Variants in RBFOX1 observed in about 807,000 individuals in gnomAD.
RBFOX1 encodes the protein RNA binding protein fox-1 homolog 1.
In RBFOX1, 8 loss-of-function variants were observed where a neutral mutation model predicts 57.7. That is an observed-to-expected ratio of 0.14 (90% CI 0.08 to 0.25). The LOEUF is 0.25. Ranked by LOEUF, RBFOX1 falls within the 10% of genes least tolerant of loss-of-function variation. The pLI is 1.00. For synonymous variants in RBFOX1, 326 were observed against 222.4 expected (o/e 1.47, Z -4.15); for missense variants, 611 against 548.5 (o/e 1.11, Z -1.14).
chr16:6,927,328 G>T (rs765698155), intron 3 of RBFOX1, among the ~76,000 whole-genome samples: 2 of 146,260 alleles, frequency 1.4e-5, no homozygotes, highest in African/African-American at 2.5e-5. Flanking sequence ...CACGAGAATC[G>T]CTGGAACCCG....
At chr16:7,087,193 C>G (rs1376050355) in intron 4 of RBFOX1, among the ~76,000 whole-genome samples, 2 of 152,174 alleles carry the variant, frequency 1.3e-5, no homozygotes, top group Non-Finnish European at 2.9e-5. Flanking sequence ...GTTCTTTTCT[C>G]TGCGGCTGGA....
At chr16:5,791,582 C>T (rs1436965683) in intron 3 of RBFOX1, among the ~76,000 whole-genome samples, 1 of 152,072 alleles carries the variant, frequency 6.6e-6, no homozygotes, top group African/African-American at 2.4e-5. Flanking sequence ...GGGTGACTCT[C>T]CAGGTTCCAG....
chr16:6,563,490 C>T (rs1036718755), intron 2 of RBFOX1, among the ~76,000 whole-genome samples: 10 of 152,002 alleles, frequency 6.6e-5, no homozygotes, highest in Non-Finnish European at 1.3e-4. Flanking sequence ...GCCCAGAGTC[C>T]CTTACATCTA....
intron 4 of RBFOX1, among the ~76,000 whole-genome samples, chr16:7,054,220 G>C (rs1216723853): frequency 6.6e-5 from 7 of 105,504 alleles, no homozygotes; most frequent in South Asian, 4.4e-4. Context: ...TTTCGGGGGG[G>C]GGGGGCGGGG....
chr16:7,585,403 C>T (rs1173290195), intron 6 of RBFOX1, among the ~76,000 whole-genome samples: 2 of 152,184 alleles, frequency 1.3e-5, no homozygotes, highest in East Asian at 1.9e-4. Context: ...GTAAGCTGCA[C>T]GTTTGTTGGC....
chr16:6,653,773 G>A (rs1012158230), intron 2 of RBFOX1, among the ~76,000 whole-genome samples: 3 of 151,768 alleles, frequency 2.0e-5, no homozygotes, highest in African/African-American at 4.8e-5. Context: ...TGGGTGGATG[G>A]ATGGATAGGT....
rs28840987 is a variant in RBFOX1 at position 6,740,364 on chromosome 16, A to G, written c.-16+85714A>G. On this transcript the variant is annotated intron_variant, in intron 3 of 15. Coordinates refer to ENST00000550418, the MANE Select transcript of RBFOX1 (RefSeq NM_018723.4). ...AATACAGGAACAAGACACCACTGCT[A>G]TTCAACATAGTAGGGAATTTCTAAA... Among the ~76,000 whole-genome samples, 1,087 of 152,346 alleles carry G rather than the reference A, an allele frequency of 7.1e-3. 30 individuals carry two copies. The highest frequency in any genetic ancestry group is 0.07 in the East Asian group (361 of 5,188).
At chr16:6,864,119 G>C (rs2059504594) in intron 3 of RBFOX1, among the ~76,000 whole-genome samples, 1 of 151,850 alleles carries the variant, frequency 6.6e-6, no homozygotes, top group African/African-American at 2.4e-5. Context: ...GAAAGCGAAG[G>C]AGTCTCTTTA....
intron 3 of RBFOX1, among the ~76,000 whole-genome samples, chr16:6,941,499 C>T (rs563270757): frequency 2.0e-5 from 3 of 152,134 alleles, no homozygotes; most frequent in South Asian, 4.2e-4. Flanking sequence ...TCTATTCTTT[C>T]TTCCCAGTAA....
At chr16:6,008,808 C>A (rs769299280) in intron 4 of RBFOX1, among the ~76,000 whole-genome samples, 1 of 152,200 alleles carries the variant, frequency 6.6e-6, no homozygotes, top group Non-Finnish European at 1.5e-5. Context: ...GTGAACTGCT[C>A]CAGGAAAAAT....
chr16:5,947,945 C>T lies in RBFOX1; in HGVS notation c.351+80610C>T, dbSNP rs1205109055. On this transcript the variant is annotated intron_variant, in intron 4 of 19. Coordinates refer to the RBFOX1 transcript ENST00000641259. The surrounding 1 kb of genome is among the most constrained non-coding windows in gnomAD (Gnocchi z 7.2). ...GGTACAGAATTTTAATTTGCAAATG[C>T]ATCACCAGATTCTTGATTGAATTCC... 6.6e-6 allele frequency among the ~76,000 whole-genome samples: 1 copy of T among 152,220 alleles called. No individual in the cohort carries two copies. The highest frequency in any genetic ancestry group is 1.5e-5 in the Non-Finnish European group (1 of 68,036).
At chr16:6,290,057 A>C (rs1037219942) in intron 1 of RBFOX1, among the ~76,000 whole-genome samples, 26 of 152,154 alleles carry the variant, frequency 1.7e-4, no homozygotes, top group African/African-American at 6.0e-4. Flanking sequence ...GACATTTAGA[A>C]ATTTGTAAAA....
chr16:6,925,529 A>G (rs1161105824), intron 3 of RBFOX1, among the ~76,000 whole-genome samples: 1 of 151,418 alleles, frequency 6.6e-6, no homozygotes, highest in Non-Finnish European at 1.5e-5. Flanking sequence ...CCGGGGGGGC[A>G]GGGATTTTGA....
intron 3 of RBFOX1, among the ~76,000 whole-genome samples, chr16:6,745,552 A>C (rs562374167): frequency 1.3e-5 from 2 of 152,342 alleles, no homozygotes; most frequent in African/African-American, 4.8e-5. Flanking sequence ...GAACTAACAC[A>C]ATTATTTTAA....
rs776368600 is a variant in RBFOX1, at chr16:7,579,803, T to G, written c.297T>G (p.Asp99Glu). ...ATQTDDAAPT[D>E]GQPQTQPSEN... ...AGACAGATGACGCAGCACCGACGGA[T>G]GGCCAGCCCCAGACACAACCTTCTG... The change falls in exon 6 of 16, where the codon GAT becomes GAG. Residue 99 changes from aspartate (D) to glutamate (E), a missense_variant. Transcript: ENST00000550418. 7 of 1,614,098 alleles carry G rather than the reference T, an allele frequency of 4.3e-6. No homozygotes were observed. The highest frequency in any genetic ancestry group is 5.9e-6 in the Non-Finnish European group (7 of 1,179,984).
At chr16:7,027,692 G>C (rs2041389167) in intron 3 of RBFOX1, among the ~76,000 whole-genome samples, 1 of 152,148 alleles carries the variant, frequency 6.6e-6, no homozygotes, top group Non-Finnish European at 1.5e-5. Context: ...CCAGACAGAA[G>C]AGGAATAGTC....
rs924101892 is a variant in RBFOX1, at chr16:5,983,915, T to C, written c.351+116580T>C. On this transcript the variant is annotated intron_variant, in intron 4 of 19. Transcript: ENST00000641259. ...CTCCTCGTTCTCCTCCTCCTCCTCT[T>C]CCTCCTCCTCCCCCTCCTCCTCCTC... 4.6e-4 allele frequency among the ~76,000 whole-genome samples: 57 copies of C among 123,678 alleles called. No individual in the cohort carries two copies. In the East Asian group the frequency reaches 6.8e-3, roughly 15 times the overall value. The allele number at this position is 123,678 out of a possible 152,430, so 81.1% of individuals were successfully genotyped here.
At chr16:6,134,265 C>A (rs1472414924) in intron 1 of RBFOX1, among the ~76,000 whole-genome samples, 2 of 152,190 alleles carry the variant, frequency 1.3e-5, no homozygotes, top group Admixed American at 6.5e-5. Flanking sequence ...ATTCAGCACC[C>A]CTTGTTTGCA....
chr16:7,081,089 C>T (rs900323302), intron 4 of RBFOX1, among the ~76,000 whole-genome samples: 6 of 152,198 alleles, frequency 3.9e-5, no homozygotes, highest in African/African-American at 1.4e-4. Flanking sequence ...GGCTGGAGTG[C>T]AGTGGCACGA....
Sources: gnomAD v4.1 joint callset for allele counts (sites outside exome capture counted in the v4.1 genomes callset) on GRCh38, gnomAD v4.1.1 for gene constraint, Gnocchi (gnomAD v3.1) non-coding constraint, MANE v1.5 for transcripts, NCBI Gene and HGNC (gene_info 2026-07-23, HGNC 2026-07-21) for gene names.